ZMYM6: variants seen among roughly 807,000 people sequenced by gnomAD.
ZMYM6 encodes the protein zinc finger MYM-type protein 6.
A neutral mutation model predicts 134.0 loss-of-function variants in ZMYM6; 90 were observed. The ratio of observed to expected loss-of-function variants is 0.67; its 90% CI spans 0.57 to 0.80. The LOEUF is 0.80. Ranked by LOEUF, ZMYM6 falls within the 30% of genes least tolerant of loss-of-function variation. The pLI is 0.00. For synonymous variants in ZMYM6, 481 were observed against 524.1 expected, an observed-to-expected ratio of 0.92 and a Z score of 1.12; for missense variants, 1,362 against 1,533.9, an observed-to-expected ratio of 0.89 and a Z score of 1.87.
intron 1 of ZMYM6, chr1:35,031,390 T>C (rs991946923): frequency 1.3e-5 from 2 of 152,100 alleles, no homozygotes; most frequent in African/African-American, 4.8e-5. Context: ...CCCCTAAAAG[T>C]CAAAGAACTA....
chr1:34,992,170 A>G (rs769769276), intron 15 of ZMYM6, 64 bp downstream of exon 15: 1 of 1,604,196 alleles, frequency 6.2e-7, no homozygotes, highest in Non-Finnish European at 8.5e-7. Context: ...TTCCTTTCTT[A>G]AAAAACAAAA....
chr1:35,007,537 G>A (rs1054149858), intron 11 of ZMYM6, among the ~76,000 whole-genome samples: 14 of 151,684 alleles, frequency 9.2e-5, no homozygotes, highest in African/African-American at 2.7e-4. Context: ...GCAGTGAGCC[G>A]AGATCGCGTC....
Position 35,010,764 on chromosome 1 carries a change from A to G in ZMYM6, c.1335T>C (p.Phe445=). 6.4e-7 allele frequency: 1 copy of G among 1,557,772 alleles called. No homozygotes were observed. The change falls in exon 9 of 16, where the codon TTT becomes TTC. Residue 445 remains phenylalanine, a synonymous_variant. Transcript: ENST00000357182. ...HLFATKPELL[F]YKGKMFLFCG... ...TTTCATGATCTCTCTTTACCTTGTAAAAAAGAAGTTCTGGTTTTGTGGCAA... is the reference window on the plus strand; with the variant it reads ...TTTCATGATCTCTCTTTACCTTGTAGAAAAGAAGTTCTGGTTTTGTGGCAA...
chr1:35,018,683 G>A (rs892128320), intron 4 of ZMYM6: 13 of 152,202 alleles, frequency 8.5e-5, no homozygotes, highest in African/African-American at 2.2e-4. Flanking sequence ...CATCTAGCCC[G>A]AAGTCACAGA....
In ZMYM6 at chr1:35,008,696, TA is replaced by T. The variant is rs1641030283; in HGVS notation, c.1665+55del. On this transcript the variant is annotated intron_variant, in intron 11 of 15. Coordinates refer to ENST00000357182, the MANE Select transcript of ZMYM6 (RefSeq NM_007167.4). ...TCACATAATTTGAATACATTTTAAA[TA>T]AAAACAATTTGCACTGATTTCAGAA... The T allele has an allele frequency of 7.7e-6, 12 of 1,548,864 alleles. No individual in the cohort carries two copies. The South Asian group carries it at 1.0e-4, about 13-fold the overall frequency.
chr1:35,004,918 C>T lies in ZMYM6; in HGVS notation c.1954+214G>A, dbSNP rs556696130. 4.9e-4 allele frequency among the ~76,000 whole-genome samples: 75 copies of T among 151,770 alleles called. 1 individual carries two copies. The South Asian group carries it at 0.015, about 30-fold the overall frequency. On this transcript the variant is annotated intron_variant, in intron 13 of 15. Coordinates refer to ENST00000357182, the MANE Select transcript of ZMYM6 (RefSeq NM_007167.4). ...ACTAAAAATATCAAAATTAGCTGGGCGTGGTGGCAGGCACCTGTAATCCCA... is the reference window on the plus strand; with the variant it reads ...ACTAAAAATATCAAAATTAGCTGGGTGTGGTGGCAGGCACCTGTAATCCCA...
chr1:34,998,997 G>A (rs892543401), intron 14 of ZMYM6, among the ~76,000 whole-genome samples: 58 of 152,156 alleles, frequency 3.8e-4, no homozygotes, highest in Admixed American at 7.9e-4. Context: ...GTGGCATGCC[G>A]CTGTGGTCCC....
intron 2 of ZMYM6, among the ~76,000 whole-genome samples, chr1:35,025,023 G>A (rs957573444): frequency 2.6e-5 from 4 of 152,068 alleles, no homozygotes; most frequent in African/African-American, 7.2e-5. Flanking sequence ...CATGTGCCAC[G>A]AAGCCTGGCT....
intron 14 of ZMYM6, among the ~76,000 whole-genome samples, chr1:34,994,252 A>G (rs1183454881): frequency 1.3e-5 from 2 of 152,200 alleles, no homozygotes; most frequent in African/African-American, 4.8e-5. Flanking sequence ...CAAATAATAT[A>G]TAATTCTAGG....
intron 14 of ZMYM6, among the ~76,000 whole-genome samples, chr1:34,993,710 G>A (rs1296592995): frequency 2.0e-5 from 3 of 151,262 alleles, no homozygotes; most frequent in Admixed American, 2.0e-4. Flanking sequence ...TTGAGACGGA[G>A]TCTCGCTCTG....
At chr1:35,002,362 T>C (rs16837152) in intron 14 of ZMYM6, among the ~76,000 whole-genome samples, 24,201 of 152,222 alleles carry the variant, frequency 0.16, 4,288 homozygotes, top group African/African-American at 0.42. Context: ...AGCTTGCCAG[T>C]GCATTTTTAT....
Position 35,015,135 on chromosome 1 carries a change from G to C in ZMYM6, c.456C>G (p.Ile152Met). Reference protein sequence around the residue: ...SKDILNPKDVITTRFENSYPS... With the variant: ...SKDILNPKDVMTTRFENSYPS... Reference sequence around the variant, plus strand: ...GATAGGAATTCTCAAAGCGAGTTGTGATCACATCCTTAGGATTTAAAATGT... The same window carrying C: ...GATAGGAATTCTCAAAGCGAGTTGTCATCACATCCTTAGGATTTAAAATGT... The change falls in exon 5 of 16, where the codon ATC (isoleucine) becomes ATG (methionine). Residue 152 changes from isoleucine (I) to methionine (M), a missense_variant. Physicochemically the swap from Ile to Met is conservative, Grantham distance 10. Around this residue, in one of 3 missense-constraint regions of ZMYM6, gnomAD observed 503 missense variants for 520.8 expected, o/e 0.97. Coordinates refer to ENST00000357182, the MANE Select transcript of ZMYM6 (RefSeq NM_007167.4). 3 of 1,607,978 alleles carry C rather than the reference G, an allele frequency of 1.9e-6. No homozygotes were observed. The highest frequency in any genetic ancestry group is 1.7e-5 in the Admixed American group (1 of 57,514).
At chr1:35,015,507 T>C (rs138588816) in intron 4 of ZMYM6, among the ~76,000 whole-genome samples, 1 of 151,656 alleles carries the variant, frequency 6.6e-6, no homozygotes, top group African/African-American at 2.4e-5. Flanking sequence ...GGGCGGATCA[T>C]GAGGTCAGGA....
intron 6 of ZMYM6, 52 bp from the exon 7 acceptor site, chr1:35,012,633 T>C (rs918034591): frequency 3.5e-5 from 55 of 1,581,426 alleles, no homozygotes; most frequent in Admixed American, 5.7e-5. Flanking sequence ...CATATTTACA[T>C]ATTGTTCAAA....
At chr1:35,020,287 A>G in intron 3 of ZMYM6, 96 bp downstream of exon 3, 1 of 1,133,454 alleles carries the variant, frequency 8.8e-7, no homozygotes, top group South Asian at 1.8e-5. Flanking sequence ...GCTCTAAAGA[A>G]AGAGAAAGAC....
intron 14 of ZMYM6, among the ~76,000 whole-genome samples, chr1:34,996,364 C>T (rs1358620948): frequency 6.6e-6 from 1 of 152,118 alleles, no homozygotes; most frequent in Non-Finnish European, 1.5e-5. Flanking sequence ...TTCATTACCA[C>T]TTTCCTTTAT....
chr1:35,003,157 G>A (rs896951832), intron 14 of ZMYM6, among the ~76,000 whole-genome samples: 3 of 146,726 alleles, frequency 2.0e-5, no homozygotes, highest in African/African-American at 7.7e-5. Context: ...CTCCAGCCTG[G>A]GCAACAGAGC....
intron 10 of ZMYM6, among the ~76,000 whole-genome samples, chr1:35,009,560 A>G (rs1424477295): frequency 1.3e-5 from 2 of 152,246 alleles, no homozygotes; most frequent in African/African-American, 4.8e-5. Flanking sequence ...AGCTAAACTT[A>G]TGAAGAGATT....
At position 34,987,456 on chromosome 1, in the gene ZMYM6, C is replaced by T. The variant is rs772893416; in HGVS notation, c.3626G>A (p.Arg1209His). The change falls in exon 16 of 16, where the codon CGT (arginine) becomes CAT (histidine). Residue 1209 changes from arginine (R) to histidine (H), a missense_variant. Physicochemically the swap from Arg to His is conservative, Grantham distance 29. This residue lies in a region of ZMYM6 where 824 missense variants were observed against 940.9 expected (regional missense o/e 0.88). Transcript: ENST00000357182. ...GTGAATTATCCACAAATTTCCTGAA[C>T]GCAAGTCTTGTTCTGGTGGAAAACA... Reference protein sequence around the residue: ...SDCFPPEQDLRSGNLWIIHPF... With the variant: ...SDCFPPEQDLHSGNLWIIHPF... 117 of 1,613,738 alleles carry T rather than the reference C, an allele frequency of 7.3e-5. No individual in the cohort carries two copies. The highest frequency in any genetic ancestry group is 9.6e-5 in the Non-Finnish European group (113 of 1,179,970).
Sources: gnomAD v4.1 joint callset for allele counts (sites outside exome capture counted in the v4.1 genomes callset) on GRCh38, gnomAD v4.1.1 for gene constraint, gnomAD v4.1.1 regional missense constraint, MANE v1.5 for transcripts, NCBI Gene and HGNC (gene_info 2026-07-23, HGNC 2026-07-21) for gene names.